The following TACC1 variants were observed in gnomAD, a reference collection of about 807,000 sequenced individuals.
The protein encoded by TACC1 is transforming acidic coiled-coil-containing protein 1.
In TACC1, 48 loss-of-function variants were observed where a neutral mutation model predicts 84.4. The observed-to-expected ratio is 0.57, with a 90% CI of 0.45 to 0.72. The LOEUF (loss-of-function observed/expected upper bound fraction) is 0.72. Among genes scored for constraint, TACC1 ranks in the 30% least tolerant of loss-of-function variants. TACC1 has a pLI of 0.00. For synonymous variants in TACC1, 372 were observed against 376.3 expected, an observed-to-expected ratio of 0.99 and a Z score of 0.13; for missense variants, 920 against 973.0, an observed-to-expected ratio of 0.95 and a Z score of 0.72.
In TACC1 at chr8:38,752,783, TTCTC is replaced by T. The variant is rs1191866461; in HGVS notation, c.26+7294_26+7297del. Among the ~76,000 whole-genome samples, 2 of 152,158 alleles carry T rather than the reference TTCTC, an allele frequency of 1.3e-5. 1 individual carries two copies. The highest frequency in any genetic ancestry group is 4.1e-4 in the South Asian group (2 of 4,830). ...GGGCACCAAAAAATAGTAGATTTTA[TTCTC>T]TCTATGTTCTGTATCAAATGCAATA... On this transcript the variant is annotated intron_variant, in intron 3 of 14. Transcript: ENST00000518415.
chr8:38,757,488 C>A, intron 3 of TACC1: 1 of 1,089,348 alleles, frequency 9.2e-7, no homozygotes, highest in Non-Finnish European at 1.1e-6. Context: ...TGGGGCCCGT[C>A]CCAGAAAGGC....
rs1424576670 is a variant in TACC1 at position 38,825,236 on chromosome 8, T to C, written c.1392-72T>C. 6.6e-6 allele frequency: 10 copies of C among 1,524,686 alleles called. No individual in the cohort carries two copies. The African/African-American group carries it at 8.2e-5, about 12-fold the overall frequency. The allele number at this position is 1,524,686 out of a possible 1,614,324, so 94.4% of individuals were successfully genotyped here. On this transcript the variant is annotated intron_variant, in intron 3 of 12. Transcript: ENST00000317827. ...GCTTCTATCCGCACACACTGCTGTC[T>C]GCTCCATTTCATACCTTGACAATTG...
chr8:38,733,282 C>T (rs1256938716), intron 1 of TACC1, among the ~76,000 whole-genome samples: 2 of 151,820 alleles, frequency 1.3e-5, no homozygotes, highest in African/African-American at 4.8e-5. Context: ...CCCTCCATCT[C>T]TCATATCCAG....
At chr8:38,802,034 C>G (rs1821496611) in intron 2 of TACC1, among the ~76,000 whole-genome samples, 1 of 152,186 alleles carries the variant, frequency 6.6e-6, no homozygotes, top group African/African-American at 2.4e-5. Flanking sequence ...CCCAGCCTCT[C>G]TAGTAGCTGG....
At chr8:38,769,358 C>A (rs1254128209) in intron 3 of TACC1, among the ~76,000 whole-genome samples, 1 of 116,858 alleles carries the variant, frequency 8.6e-6, no homozygotes, top group South Asian at 2.9e-4. Flanking sequence ...GTATGTGATA[C>A]TGCATGGGTG....
chr8:38,756,131 A>G (rs1810001102), intron 3 of TACC1, among the ~76,000 whole-genome samples: 1 of 151,892 alleles, frequency 6.6e-6, no homozygotes, highest in South Asian at 2.1e-4. Context: ...GAGAATTATA[A>G]AATAAGATTG....
chr8:38,848,110 C>G lies in TACC1; in HGVS notation c.*87C>G. The G allele has an allele frequency of 7.6e-7, 1 of 1,308,460 alleles. No individual in the cohort carries two copies. Among genetic ancestry groups the G allele is most frequent in the East Asian group, 2.4e-5 (1 of 42,314 alleles). The allele number at this position is 1,308,460 out of a possible 1,614,324, so 81.1% of individuals were successfully genotyped here. ...TCTTGCCTTATCCAGGAATAATTGCCCCTTTGCAGAGAAAAAAAAAAACTT... is the reference window on the plus strand; with the variant it reads ...TCTTGCCTTATCCAGGAATAATTGCGCCTTTGCAGAGAAAAAAAAAAACTT... On this transcript the variant is annotated 3_prime_UTR_variant, in exon 13 of 13. Transcript: ENST00000317827.
At chr8:38,827,584 G>A in intron 5 of TACC1, 1 of 591,924 alleles carries the variant, frequency 1.7e-6, no homozygotes, top group South Asian at 2.0e-5. Context: ...CTTGTGACAA[G>A]TTGTATAGGA....
At chr8:38,825,450 A>T in intron 4 of TACC1, 82 bp downstream of exon 4, 1 of 1,498,994 alleles carries the variant, frequency 6.7e-7, no homozygotes, top group East Asian at 2.3e-5. Context: ...CGGGTGGTTC[A>T]AAAGGACTTT....
rs992310706 is a variant in TACC1 at position 38,757,319 on chromosome 8, C to T, written c.26+11826C>T. ...AGCACAGGAGGGTGCAGCCCCGGCC[C>T]CAAGTTCTGCGCCATGGGAGGCTCC... On this transcript the variant is annotated intron_variant, in intron 3 of 14. Transcript: ENST00000518415. The T allele has an allele frequency of 6.3e-6, 8 of 1,267,636 alleles. No individual in the cohort carries two copies. The African/African-American group carries it at 1.3e-4, about 20-fold the overall frequency. The allele number at this position is 1,267,636 out of a possible 1,614,324, so 78.5% of individuals were successfully genotyped here.
chr8:38,783,106 C>CTATCTATCTA (rs1393110234), upstream of TACC1, among the ~76,000 whole-genome samples: 7 of 87,422 alleles, frequency 8.0e-5, no homozygotes, highest in South Asian at 4.1e-4. Flanking sequence ...ATCTATCTAT[C>CTATCTATCTA]TATATATATA....
intron 2 of TACC1, among the ~76,000 whole-genome samples, chr8:38,807,647 A>G (rs969470209): frequency 2.0e-5 from 3 of 152,230 alleles, no homozygotes; most frequent in African/African-American, 7.2e-5. Context: ...AAAGCAGCTA[A>G]CCAGTTGATT....
intron 9 of TACC1, among the ~76,000 whole-genome samples, chr8:38,841,278 G>A (rs1831227256): frequency 6.6e-6 from 1 of 152,138 alleles, no homozygotes; most frequent in African/African-American, 2.4e-5. Flanking sequence ...TGTATTTTAA[G>A]GAACCTTACT....
At chr8:38,781,640 CAA>C (rs1446146508) in intron 3 of TACC1, among the ~76,000 whole-genome samples, 1 of 152,242 alleles carries the variant, frequency 6.6e-6, no homozygotes, top group Middle Eastern at 3.4e-3. Context: ...CTCGGCCTCC[CAA>C]AGTGTTGGGA....
At chr8:38,811,879 T>C (rs1253361754) in intron 2 of TACC1, among the ~76,000 whole-genome samples, 1 of 152,196 alleles carries the variant, frequency 6.6e-6, no homozygotes, top group East Asian at 1.9e-4. Flanking sequence ...AGAGAGCCTA[T>C]AAACGGACAT....
Position 38,804,183 on chromosome 8 carries a change from ATTTG to A in TACC1, c.278-15336_278-15333del, listed in dbSNP as rs1359437911. On this transcript the variant is annotated intron_variant, in intron 2 of 12. Coordinates refer to ENST00000317827, the MANE Select transcript of TACC1 (RefSeq NM_006283.3). The stretch of plus-strand genomic sequence containing the variant: ...AGGCTATATAAGTATGAAGTATTTT[ATTTG>A]TTCTAAATTTTTAATTATAGGAAAA... Among the ~76,000 whole-genome samples, 8 of 152,158 alleles carry A rather than the reference ATTTG, an allele frequency of 5.3e-5. No homozygotes were observed. In the South Asian group the frequency reaches 1.4e-3, roughly 28 times the overall value.
intron 2 of TACC1, among the ~76,000 whole-genome samples, chr8:38,791,331 C>T (rs1387013339): frequency 6.6e-6 from 1 of 152,136 alleles, no homozygotes; most frequent in African/African-American, 2.4e-5. Flanking sequence ...TGAATGCAGA[C>T]TGTAATTGTA....
chr8:38,794,563 T>C (rs1468396602), intron 2 of TACC1, among the ~76,000 whole-genome samples: 1 of 56,902 alleles, frequency 1.8e-5, no homozygotes, highest in Non-Finnish European at 3.8e-5. Context: ...TGTGTTTGTT[T>C]GTGTGTGTGT....
chr8:38,758,591 A>C (rs1810572499), intron 3 of TACC1, among the ~76,000 whole-genome samples: 1 of 149,832 alleles, frequency 6.7e-6, no homozygotes. Flanking sequence ...AGGCAGGAGA[A>C]TCACTTGAAC....
Sources: gnomAD v4.1 joint callset for allele counts (sites outside exome capture counted in the v4.1 genomes callset) on GRCh38, gnomAD v4.1.1 for gene constraint, MANE v1.5 for transcripts, NCBI Gene and HGNC (gene_info 2026-07-23, HGNC 2026-07-21) for gene names.